The following PRKD1 variants were observed in gnomAD, a reference collection of about 807,000 sequenced individuals.
The protein encoded by PRKD1 is protein kinase D1.
PRKD1 carries 63 observed loss-of-function variants against 95.9 expected under a neutral mutation model. The observed-to-expected ratio is 0.66, with a 90% CI of 0.54 to 0.81. The LOEUF is 0.81. PRKD1 is among the 30% of genes least tolerant of loss of function. The pLI is 0.00. For synonymous variants in PRKD1, 425 were observed against 423.1 expected (o/e 1.00, Z -0.05); for missense variants, 1,048 against 1,165.3 (o/e 0.90, Z 1.47).
chr14:29,644,040 G>A (rs1314711869), intron 4 of PRKD1, among the ~76,000 whole-genome samples: 6 of 152,172 alleles, frequency 3.9e-5, no homozygotes, highest in African/African-American at 9.6e-5. Context: ...AACAAAGTCC[G>A]TGACAAACAG....
intron 6 of PRKD1, among the ~76,000 whole-genome samples, chr14:29,638,027 T>C (rs930717112): frequency 4.1e-4 from 62 of 152,306 alleles, no homozygotes; most frequent in African/African-American, 1.3e-3. Flanking sequence ...AGTTAATTTA[T>C]ACAGTTAGAG....
At chr14:29,837,791 C>T (rs1267029047) in intron 1 of PRKD1, among the ~76,000 whole-genome samples, 2 of 152,174 alleles carry the variant, frequency 1.3e-5, no homozygotes, top group African/African-American at 4.8e-5. Flanking sequence ...GCTAACTGTA[C>T]TTACTGTGAC....
In PRKD1 at chr14:29,894,910, T is replaced by G. The variant is rs375861984; in HGVS notation, c.264+32339A>C. On this transcript the variant is annotated intron_variant, in intron 1 of 17. Transcript: ENST00000331968. Reference sequence around the variant, plus strand: ...AAAAGCAATTTAAACTAAGATGTCCTATTTAATTTCTAGACATATGATGTC... The same window carrying G: ...AAAAGCAATTTAAACTAAGATGTCCGATTTAATTTCTAGACATATGATGTC... Among the ~76,000 whole-genome samples the G allele has an allele frequency of 5.3e-5, 8 of 152,280 alleles. No individual in the cohort carries two copies. The East Asian group carries it at 1.2e-3, about 22-fold the overall frequency.
At chr14:29,838,704 TAA>T (rs34967623) in intron 1 of PRKD1, among the ~76,000 whole-genome samples, 3 of 152,184 alleles carry the variant, frequency 2.0e-5, no homozygotes, top group Non-Finnish European at 4.4e-5. Context: ...GATATATATA[TAA>T]ATGCAAGATA....
chr14:29,715,522 T>C (rs1027739187), intron 2 of PRKD1, among the ~76,000 whole-genome samples: 7 of 152,126 alleles, frequency 4.6e-5, no homozygotes, highest in Non-Finnish European at 1.0e-4. Flanking sequence ...TCTCAGCCAA[T>C]TCTCATCAAT....
chr14:29,778,466 A>G (rs564954834), intron 1 of PRKD1, among the ~76,000 whole-genome samples: 1 of 152,350 alleles, frequency 6.6e-6, no homozygotes, highest in South Asian at 2.1e-4. Context: ...ATCACCACTG[A>G]TCCCACAGAA....
chr14:29,836,720 G>A (rs1266720596), intron 1 of PRKD1, among the ~76,000 whole-genome samples: 6 of 152,180 alleles, frequency 3.9e-5, no homozygotes, highest in Non-Finnish European at 8.8e-5. Context: ...GGTTCTGAGA[G>A]GAAGACCAGT....
chr14:29,814,897 C>T (rs552179129), intron 1 of PRKD1, among the ~76,000 whole-genome samples: 9 of 152,296 alleles, frequency 5.9e-5, no homozygotes, highest in Non-Finnish European at 8.8e-5. Flanking sequence ...TGAACTGTAT[C>T]ACCATATACA....
At position 29,894,626 on chromosome 14, in the gene PRKD1, T is replaced by C. The variant is rs140288729; in HGVS notation, c.264+32623A>G. Among the ~76,000 whole-genome samples, 713 of 152,062 alleles carry C rather than the reference T, an allele frequency of 4.7e-3. 7 individuals are homozygous for C. Among genetic ancestry groups the C allele is most frequent in the African/African-American group, 0.016 (653 of 41,310 alleles). ...AGTATAGCAAAACTGACAACGTCTA[T>C]CTAGGACCATGGGGTTAACAGTGGA... On this transcript the variant is annotated intron_variant, in intron 1 of 17. Transcript: ENST00000331968.
At chr14:29,897,735 G>A (rs1894183537) in intron 1 of PRKD1, among the ~76,000 whole-genome samples, 1 of 152,100 alleles carries the variant, frequency 6.6e-6, no homozygotes, top group Admixed American at 6.5e-5. Flanking sequence ...ATGAAAGACT[G>A]ACTTACTCAC....
At chr14:29,876,682 T>C (rs1304087523) in intron 1 of PRKD1, among the ~76,000 whole-genome samples, 1 of 151,172 alleles carries the variant, frequency 6.6e-6, no homozygotes, top group African/African-American at 2.4e-5. Flanking sequence ...TAGTATCTAT[T>C]TTATAAAAAC....
rs549313610 is a variant in PRKD1, at chr14:29,907,304, T to C, written c.264+19945A>G. ...CTTTTAAAAATTATTTGAATAATAATTATGGATCAAAGGTAGAAAAGAACA... is the reference window on the plus strand; with the variant it reads ...CTTTTAAAAATTATTTGAATAATAACTATGGATCAAAGGTAGAAAAGAACA... On this transcript the variant is annotated intron_variant, in intron 1 of 17. Coordinates refer to ENST00000331968, the MANE Select transcript of PRKD1 (RefSeq NM_002742.3). 1.1e-4 allele frequency among the ~76,000 whole-genome samples: 17 copies of C among 152,288 alleles called. No homozygotes were observed. In the South Asian group the frequency reaches 3.5e-3, roughly 32 times the overall value.
chr14:29,692,853 A>G (rs1407048238), intron 2 of PRKD1, among the ~76,000 whole-genome samples: 1 of 152,210 alleles, frequency 6.6e-6, no homozygotes, highest in Non-Finnish European at 1.5e-5. Flanking sequence ...AACTTGGCCA[A>G]ATAACCACAG....
At chr14:29,703,780 A>T (rs564490030) in intron 2 of PRKD1, among the ~76,000 whole-genome samples, 2 of 152,200 alleles carry the variant, frequency 1.3e-5, no homozygotes, top group Admixed American at 1.3e-4. Flanking sequence ...GGGAATAAAC[A>T]TCTCTAGGGA....
chr14:29,761,736 C>T (rs1006955380), intron 1 of PRKD1, among the ~76,000 whole-genome samples: 9 of 151,700 alleles, frequency 5.9e-5, no homozygotes, highest in Non-Finnish European at 1.3e-4. Flanking sequence ...TTCCTTTTTA[C>T]CCTTTAATAG....
intron 1 of PRKD1, among the ~76,000 whole-genome samples, chr14:29,796,673 T>C (rs1889833010): frequency 1.3e-5 from 2 of 152,132 alleles, no homozygotes; most frequent in South Asian, 4.1e-4. Flanking sequence ...ATGTCTCTAA[T>C]GCTCTGGATA....
intron 2 of PRKD1, among the ~76,000 whole-genome samples, chr14:29,721,533 T>G (rs1255308107): frequency 6.6e-6 from 1 of 152,212 alleles, no homozygotes; most frequent in South Asian, 2.1e-4. Flanking sequence ...TTTTGAGTCA[T>G]GTAAATGTAG....
At chr14:29,893,840 A>G (rs1894024664) in intron 1 of PRKD1, among the ~76,000 whole-genome samples, 1 of 152,154 alleles carries the variant, frequency 6.6e-6, no homozygotes, top group Non-Finnish European at 1.5e-5. Context: ...ATTACTGAAA[A>G]CTGCCTGTGA....
At chr14:29,824,856 C>T (rs750067823) in intron 1 of PRKD1, among the ~76,000 whole-genome samples, 11 of 151,886 alleles carry the variant, frequency 7.2e-5, no homozygotes, top group Non-Finnish European at 1.3e-4. Context: ...AATTAGAGAG[C>T]CTTATGATTG....
Sources: gnomAD v4.1 joint callset for allele counts (sites outside exome capture counted in the v4.1 genomes callset) on GRCh38, gnomAD v4.1.1 for gene constraint, MANE v1.5 for transcripts, NCBI Gene and HGNC (gene_info 2026-07-23, HGNC 2026-07-21) for gene names.